The following CSNK1D variants were observed in gnomAD, a reference collection of about 807,000 sequenced individuals.
CSNK1D encodes casein kinase 1 delta.
A neutral mutation model predicts 46.6 loss-of-function variants in CSNK1D; 16 were observed. The observed-to-expected ratio is 0.34, with a 90% CI of 0.23 to 0.52. The LOEUF (loss-of-function observed/expected upper bound fraction) is 0.52. CSNK1D is among the 20% of genes least tolerant of loss of function. CSNK1D has a pLI of 0.95. For missense variants in CSNK1D, 398 were observed against 578.4 expected (o/e 0.69, Z 3.20); for synonymous variants, 276 against 228.2 (o/e 1.21, Z -1.89).
intron 8 of CSNK1D, chr17:82,247,203 C>T (rs1387174844): frequency 1.0e-6 from 1 of 985,356 alleles, no homozygotes; most frequent in African/African-American, 1.7e-5. Flanking sequence ...CGTTGTATTT[C>T]CTCATATGGA....
At position 82,243,251 on chromosome 17, in the gene CSNK1D, GGGA is replaced by G. The variant is rs769513940; in HGVS notation, c.*1527_*1529del. ...CAGTTATGGCATCCGGGGAACTCTGGGGAGGAGAAGGGAGAACCAAGGTGCACA... is the reference window on the plus strand; with the variant it reads ...CAGTTATGGCATCCGGGGAACTCTGGGGAGAAGGGAGAACCAAGGTGCACA... On this transcript the variant is annotated 3_prime_UTR_variant, in exon 9 of 9. Coordinates refer to ENST00000314028, the MANE Select transcript of CSNK1D (RefSeq NM_001893.6). The G allele has an allele frequency of 2.8e-5, 28 of 985,398 alleles. No homozygotes were observed. Among genetic ancestry groups the G allele is most frequent in the African/African-American group, 7.0e-5 (4 of 57,228 alleles). 61.0% of individuals were successfully genotyped at this position (985,398 alleles called of 1,614,324 possible). A position where few individuals can be genotyped will look rare whatever the true frequency, so the allele number is the denominator to read the frequency against.
At chr17:82,258,927 A>G (rs2051254334) in intron 2 of CSNK1D, among the ~76,000 whole-genome samples, 1 of 152,248 alleles carries the variant, frequency 6.6e-6, no homozygotes, top group South Asian at 2.1e-4. Context: ...TGGTGTTTGC[A>G]GGGCAAATGG....
At position 82,242,840 on chromosome 17, in the gene CSNK1D, C is replaced by G; in HGVS notation, c.*1941G>C. 1.0e-6 allele frequency: 1 copy of G among 985,160 alleles called. No individual in the cohort carries two copies. Among genetic ancestry groups the G allele is most frequent in the Non-Finnish European group, 1.2e-6 (1 of 829,666 alleles). The allele number at this position is 985,160 out of a possible 1,614,324, so 61.0% of individuals were successfully genotyped here. On this transcript the variant is annotated 3_prime_UTR_variant, in exon 9 of 9. Coordinates refer to ENST00000314028, the MANE Select transcript of CSNK1D (RefSeq NM_001893.6). ...ACTAGATACTGGGCAAGGACTGTCA[C>G]AAGCACTCCGAAGACGCGACCCGGC...
In CSNK1D at chr17:82,243,327, G is replaced by A; in HGVS notation, c.*1454C>T. 3.0e-6 allele frequency: 3 copies of A among 985,536 alleles called. No individual in the cohort carries two copies. In the South Asian group the frequency reaches 1.4e-4, roughly 46 times the overall value. The allele number at this position is 985,536 out of a possible 1,614,324, so 61.0% of individuals were successfully genotyped here. A position where few individuals can be genotyped will look rare whatever the true frequency, so the allele number is the denominator to read the frequency against. Reference sequence around the variant, plus strand: ...AGGGAACATCGTCCATCGTGATGGGGTCCAGCCGAAGTGCCCACGAACACA... The same window carrying A: ...AGGGAACATCGTCCATCGTGATGGGATCCAGCCGAAGTGCCCACGAACACA... On this transcript the variant is annotated 3_prime_UTR_variant, in exon 9 of 9. Coordinates refer to ENST00000314028, the MANE Select transcript of CSNK1D (RefSeq NM_001893.6).
chr17:82,242,563 A>G (rs1012473564), downstream of CSNK1D: 83 of 857,582 alleles, frequency 9.7e-5, no homozygotes, highest in Non-Finnish European at 1.1e-4. Context: ...AGGCTGAGAA[A>G]GAACAAACAG....
intron 1 of CSNK1D, among the ~76,000 whole-genome samples, chr17:82,266,497 G>T (rs1243088815): frequency 6.6e-6 from 1 of 152,156 alleles, no homozygotes; most frequent in Non-Finnish European, 1.5e-5. Context: ...ATACCATGAC[G>T]ATCGGACTAT....
At chr17:82,269,235 C>CA (rs1050487173) in intron 1 of CSNK1D, among the ~76,000 whole-genome samples, 95 of 151,292 alleles carry the variant, frequency 6.3e-4, no homozygotes, top group Non-Finnish European at 9.4e-4. Context: ...GTCTTGTCAA[C>CA]AAAAAAAACA....
In CSNK1D at chr17:82,247,172, C is replaced by G. The variant is rs2050871985; in HGVS notation, c.1197+1703G>C. The G allele has an allele frequency of 7.1e-6, 7 of 985,366 alleles. 1 individual carries two copies. In the South Asian group the frequency reaches 2.8e-4, roughly 40 times the overall value. The allele number at this position is 985,366 out of a possible 1,614,324, so 61.0% of individuals were successfully genotyped here. On this transcript the variant is annotated intron_variant, in intron 8 of 8. Coordinates refer to ENST00000314028, the MANE Select transcript of CSNK1D (RefSeq NM_001893.6). Reference sequence around the variant, plus strand: ...CCCAAACCAGCTCTCTCTGGAGACTCCTCCCTGCTGTTAGAGCCCACGTTG... The same window carrying G: ...CCCAAACCAGCTCTCTCTGGAGACTGCTCCCTGCTGTTAGAGCCCACGTTG...
At chr17:82,256,674 G>A (rs1438649103) in intron 2 of CSNK1D, among the ~76,000 whole-genome samples, 2 of 152,096 alleles carry the variant, frequency 1.3e-5, no homozygotes, top group African/African-American at 2.4e-5. Flanking sequence ...GCAGCCTCAC[G>A]CCACAGTCAA....
intron 8 of CSNK1D, chr17:82,247,936 G>C (rs756812271): frequency 2.0e-6 from 2 of 985,454 alleles, no homozygotes; most frequent in South Asian, 9.4e-5. Context: ...GGTCAAGAGT[G>C]CTCCCCACTC....
rs1268748080 is a variant in CSNK1D, at chr17:82,256,774, G to C, written c.188-1197C>G. Among the ~76,000 whole-genome samples the C allele has an allele frequency of 2.0e-5, 3 of 151,896 alleles. No individual in the cohort carries two copies. In the East Asian group the frequency reaches 5.8e-4, roughly 29 times the overall value. On this transcript the variant is annotated intron_variant, in intron 2 of 8. Transcript: ENST00000314028. ...CTATTTTTTTTTCTCATATCCACAA[G>C]AACATGTCTCTTCGGTATGTTTTCA... is the stretch of plus-strand genomic sequence containing the variant.
rs1406896276 is a variant in CSNK1D, at chr17:82,252,151, T to C, written c.736+283A>G. 1.3e-5 allele frequency among the ~76,000 whole-genome samples: 2 copies of C among 152,234 alleles called. No individual in the cohort carries two copies. The highest frequency in any genetic ancestry group is 1.9e-4 in the East Asian group (1 of 5,202). On this transcript the variant is annotated intron_variant, in intron 5 of 8. Transcript: ENST00000314028. This position sits in a 1 kb window ranked among gnomAD's most constrained non-coding sequence, Gnocchi z 4.6. ...GGCCCCACCACTGCCTGTCCATCCC[T>C]TTCCAGCCACTTGGGGCCCTGAGGC...
At chr17:82,257,392 TA>T (rs796316923) in intron 2 of CSNK1D, among the ~76,000 whole-genome samples, 16 of 152,226 alleles carry the variant, frequency 1.1e-4, no homozygotes, top group African/African-American at 3.4e-4. Flanking sequence ...TATCTTACAT[TA>T]AAAAAATAGT....
At position 82,248,868 on chromosome 17, in the gene CSNK1D, CACCT is replaced by C. The variant is rs1568557216; in HGVS notation, c.1197+3_1197+6del. 6.2e-7 allele frequency: 1 copy of C among 1,608,508 alleles called. No homozygotes were observed. The highest frequency in any genetic ancestry group is 8.5e-7 in the Non-Finnish European group (1 of 1,177,218). On this transcript the variant is annotated splice_donor_5th_base_variant and intron_variant, in intron 8 of 8. Coordinates refer to ENST00000314028, the MANE Select transcript of CSNK1D (RefSeq NM_001893.6). This position sits in a 1 kb window ranked among gnomAD's most constrained non-coding sequence, Gnocchi z 4.1. ...GCCCAGCGCCCGCCCGGGAGCTCTG[CACCT>C]ACCTGTGAGGTGGACATGCGAGAGG...
Position 82,254,427 on chromosome 17 carries a change from A to G in CSNK1D, c.336+1002T>C, listed in dbSNP as rs183581409. 612 of 229,566 alleles carry G rather than the reference A, an allele frequency of 2.7e-3. 6 individuals carry two copies. Among genetic ancestry groups the G allele is most frequent in the African/African-American group, 0.016 (428 of 26,896 alleles). The allele number at this position is 229,566 out of a possible 1,614,324, so 14.2% of individuals were successfully genotyped here. ...AGAAGCCAGTCAGCTGAGCCGCCGGAGCCTCGAGAAGCCAGTCAGCTGAGC... is the reference window on the plus strand; with the variant it reads ...AGAAGCCAGTCAGCTGAGCCGCCGGGGCCTCGAGAAGCCAGTCAGCTGAGC... On this transcript the variant is annotated intron_variant, in intron 3 of 8. Coordinates refer to ENST00000314028, the MANE Select transcript of CSNK1D (RefSeq NM_001893.6).
intron 2 of CSNK1D, among the ~76,000 whole-genome samples, chr17:82,261,770 C>T (rs2051347723): frequency 6.6e-6 from 1 of 152,164 alleles, no homozygotes; most frequent in Non-Finnish European, 1.5e-5. Context: ...CGATACCGTA[C>T]ATGTTACATA....
In CSNK1D at chr17:82,244,509, C is replaced by T. The variant is rs908122916; in HGVS notation, c.*272G>A. On this transcript the variant is annotated 3_prime_UTR_variant, in exon 9 of 9. Transcript: ENST00000314028. ...GGAGCTGAGGCCCTGGAAAAGGAGT[C>T]TGATTCTCTGCAATTCTCTCTCTGC... 4.2e-6 allele frequency: 6 copies of T among 1,424,712 alleles called. No individual in the cohort carries two copies. Among genetic ancestry groups the T allele is most frequent in the Non-Finnish European group, 5.5e-6 (6 of 1,087,644 alleles). 88.3% of individuals were successfully genotyped at this position (1,424,712 alleles called of 1,614,324 possible).
Position 82,243,710 on chromosome 17 carries a change from C to T in CSNK1D, c.*1071G>A. 3 of 985,480 alleles carry T rather than the reference C, an allele frequency of 3.0e-6. No homozygotes were observed. The highest frequency in any genetic ancestry group is 3.6e-6 in the Non-Finnish European group (3 of 829,954). The allele number at this position is 985,480 out of a possible 1,614,324, so 61.0% of individuals were successfully genotyped here. A position where few individuals can be genotyped will look rare whatever the true frequency, so the allele number is the denominator to read the frequency against. On this transcript the variant is annotated 3_prime_UTR_variant, in exon 9 of 9. Coordinates refer to ENST00000314028, the MANE Select transcript of CSNK1D (RefSeq NM_001893.6). ...TTGGCACGTGGCAAGGACAGCCCCG[C>T]TCCTGGTTTTAAGCACAGGCATTCA... is the stretch of plus-strand genomic sequence containing the variant.
At chr17:82,242,593 TCA>T, downstream of CSNK1D, 4 of 952,586 alleles carry the variant, frequency 4.2e-6, no homozygotes, top group South Asian at 4.8e-5. Context: ...AGAAGTATTT[TCA>T]CACAGTTCAC....
Sources: allele counts gnomAD v4.1 joint callset (sites outside exome capture counted in the v4.1 genomes callset), GRCh38; gene constraint gnomAD v4.1.1; non-coding constraint Gnocchi (gnomAD v3.1); transcripts MANE v1.5; gene names NCBI Gene and HGNC (gene_info 2026-07-23, HGNC 2026-07-21).